Variants in GOLGA3 observed in about 807,000 individuals in gnomAD.
The protein encoded by GOLGA3 is golgin A3.
GOLGA3 carries 75 observed loss-of-function variants against 169.4 expected under a neutral mutation model. The ratio of observed to expected loss-of-function variants is 0.44; its 90% CI spans 0.37 to 0.54. The LOEUF (loss-of-function observed/expected upper bound fraction) is 0.54, where lower values mean the gene tolerates loss of function less well. Ranked by LOEUF, GOLGA3 falls within the 20% of genes least tolerant of loss-of-function variation. The probability of loss-of-function intolerance (pLI) is 0.00; values close to 1 mark genes in which losing one functional copy is unlikely to be tolerated. For synonymous variants in GOLGA3, 824 were observed against 822.4 expected (o/e 1.00, Z -0.03); for missense variants, 1,899 against 1,930.0 (o/e 0.98, Z 0.30).
intron 6 of GOLGA3, 97 bp from the exon 7 acceptor site, chr12:132,805,119 G>A: frequency 1.5e-6 from 2 of 1,368,830 alleles, no homozygotes; most frequent in Non-Finnish European, 2.0e-6. Flanking sequence ...GTCAGGGCCT[G>A]ACAGGGGACC....
intron 4 of GOLGA3, among the ~76,000 whole-genome samples, chr12:132,812,904 C>T (rs1049610367): frequency 6.6e-6 from 1 of 152,196 alleles, no homozygotes; most frequent in African/African-American, 2.4e-5. Flanking sequence ...TTGCTGAAGG[C>T]TCAGATGATC....
chr12:132,793,686 C>A (rs1483687187), intron 11 of GOLGA3, among the ~76,000 whole-genome samples: 3 of 133,750 alleles, frequency 2.2e-5, no homozygotes, highest in Non-Finnish European at 4.8e-5. Flanking sequence ...ACAGACCCAC[C>A]GCACGGGACC....
intron 4 of GOLGA3, chr12:132,811,913 G>A: frequency 3.0e-6 from 1 of 335,062 alleles, no homozygotes; most frequent in Non-Finnish European, 4.2e-6. Flanking sequence ...TCAGGAGGCT[G>A]AGGCAGAGAA....
intron 17 of GOLGA3, among the ~76,000 whole-genome samples, chr12:132,781,706 G>A (rs1033621287): frequency 3.9e-5 from 6 of 152,286 alleles, no homozygotes; most frequent in East Asian, 3.9e-4. Context: ...CCAGCAGCTC[G>A]ATTTGGCCCC....
At chr12:132,822,412 A>C (rs1593401462) in intron 1 of GOLGA3, 101 bp from the exon 2 acceptor site, 2 of 612,030 alleles carry the variant, frequency 3.3e-6, no homozygotes, top group East Asian at 6.9e-5. Context: ...CGTACAAGAA[A>C]CAAATACAAA....
chr12:132,807,758 C>T, intron 5 of GOLGA3, 133 bp downstream of exon 5: 4 of 494,328 alleles, frequency 8.1e-6, no homozygotes, highest in East Asian at 3.8e-5. Context: ...CTGCCCGTCT[C>T]TGCCCACCCC....
At chr12:132,827,332 G>T (rs1158479654) in intron 1 of GOLGA3, among the ~76,000 whole-genome samples, 1 of 152,216 alleles carries the variant, frequency 6.6e-6, no homozygotes, top group South Asian at 2.1e-4. Flanking sequence ...CTGCAGAGAC[G>T]TGAAGGGCAG....
chr12:132,786,639 C>T (rs2045916018), intron 14 of GOLGA3, 54 bp downstream of exon 14: 3 of 848,162 alleles, frequency 3.5e-6, no homozygotes, highest in East Asian at 6.3e-5. Context: ...TCCCCCCCGG[C>T]CCCCGCACCT....
In GOLGA3 at chr12:132,772,985, G is replaced by A; in HGVS notation, c.*120C>T. ...CATTCTGCTATATATTTTACTTCTT[G>A]TTAAAGGCAAAACAAAACTTAAATT... On this transcript the variant is annotated 3_prime_UTR_variant, in exon 24 of 24. Transcript: ENST00000450791. The A allele has an allele frequency of 1.4e-6, 1 of 731,236 alleles. No homozygotes were observed. The highest frequency in any genetic ancestry group is 2.2e-6 in the Non-Finnish European group (1 of 457,992). The allele number at this position is 731,236 out of a possible 1,614,324, so 45.3% of individuals were successfully genotyped here.
chr12:132,810,098 A>G (rs1949627721), intron 4 of GOLGA3, among the ~76,000 whole-genome samples: 1 of 152,166 alleles, frequency 6.6e-6, no homozygotes, highest in Admixed American at 6.5e-5. Context: ...ATACAAAAAA[A>G]TGAGCCAGGC....
intron 4 of GOLGA3, among the ~76,000 whole-genome samples, chr12:132,812,338 T>C (rs1233681742): frequency 1.3e-5 from 2 of 152,190 alleles, no homozygotes; most frequent in African/African-American, 4.8e-5. Context: ...ACATCCCTTC[T>C]GCAGCCCATG....
chr12:132,797,534 G>A (rs936997801), intron 9 of GOLGA3, among the ~76,000 whole-genome samples: 1 of 152,140 alleles, frequency 6.6e-6, no homozygotes, highest in East Asian at 1.9e-4. Context: ...AACATGGCGA[G>A]ACCCCGTCTC....
At chr12:132,790,393 G>A (rs1054836272) in intron 12 of GOLGA3, among the ~76,000 whole-genome samples, 2 of 152,118 alleles carry the variant, frequency 1.3e-5, no homozygotes, top group African/African-American at 4.8e-5. Context: ...GGTCACCCTC[G>A]CTCAGAAATA....
intron 18 of GOLGA3, among the ~76,000 whole-genome samples, chr12:132,778,215 G>A (rs558637739): frequency 6.6e-6 from 1 of 152,142 alleles, no homozygotes; most frequent in African/African-American, 2.4e-5. Context: ...GTTCCAGGCT[G>A]CAGGGGAGCT....
At chr12:132,803,181 ACTC>A (rs1248421945) in intron 7 of GOLGA3, among the ~76,000 whole-genome samples, 1 of 151,846 alleles carries the variant, frequency 6.6e-6, no homozygotes, top group Admixed American at 6.6e-5. Context: ...CCTGGAAAGA[ACTC>A]CTGCCTGCAG....
chr12:132,822,243 T>C lies in GOLGA3; in HGVS notation c.-115A>G. 7.0e-7 allele frequency: 1 copy of C among 1,425,544 alleles called. No homozygotes were observed. Among genetic ancestry groups the C allele is most frequent in the Non-Finnish European group, 9.1e-7 (1 of 1,096,786 alleles). 88.3% of individuals were successfully genotyped at this position (1,425,544 alleles called of 1,614,324 possible). A position where few individuals can be genotyped will look rare whatever the true frequency, so the allele number is the denominator to read the frequency against. On this transcript the variant is annotated 5_prime_UTR_variant, in exon 2 of 24. Coordinates refer to ENST00000450791, the MANE Select transcript of GOLGA3 (RefSeq NM_001389683.1). ...CTCCTGGGAGGGGCCCTACTGTGTC[T>C]CCCATTTTCAGGAGAAGATCTGATG...
chr12:132,780,800 G>C lies in GOLGA3; in HGVS notation c.3580C>G (p.Gln1194Glu), dbSNP rs1566075654. The C allele has an allele frequency of 1.3e-6, 2 of 1,594,334 alleles. No individual in the cohort carries two copies. Among genetic ancestry groups the C allele is most frequent in the African/African-American group, 1.3e-5 (1 of 74,718 alleles). ...GTGAGACGGAAGGTGGCACGCACCTGCTCCTTGAGGCTGTTCACCTTCTCC... is the reference window on the plus strand; with the variant it reads ...GTGAGACGGAAGGTGGCACGCACCTCCTCCTTGAGGCTGTTCACCTTCTCC... ...EKEKVNSLKE[Q>E]VAAAKVEAGH... Residue 1194 changes from glutamine (Q) to glutamate (E), a missense_variant and splice_region_variant, in exon 18 of 24, where the codon CAG becomes GAG. Transcript: ENST00000450791.
intron 10 of GOLGA3, 86 bp downstream of exon 10, chr12:132,796,453 G>C: frequency 6.9e-7 from 1 of 1,442,380 alleles, no homozygotes; most frequent in Non-Finnish European, 9.3e-7. Flanking sequence ...CCACAGCAGA[G>C]GACTGCTCGG....
At chr12:132,775,739 C>T (rs372207257) in intron 21 of GOLGA3, among the ~76,000 whole-genome samples, 14 of 151,330 alleles carry the variant, frequency 9.3e-5, no homozygotes, top group African/African-American at 2.7e-4. Flanking sequence ...GGATGATGGA[C>T]GCTTGTCGGC....
Sources: allele counts gnomAD v4.1 joint callset (sites outside exome capture counted in the v4.1 genomes callset), GRCh38; gene constraint gnomAD v4.1.1; transcripts MANE v1.5; gene names NCBI Gene and HGNC (gene_info 2026-07-23, HGNC 2026-07-21).